The following AKNA variants were observed in gnomAD, a reference collection of about 807,000 sequenced individuals.
The protein encoded by AKNA is AT-hook transcription factor.
A neutral mutation model predicts 138.8 loss-of-function variants in AKNA; 67 were observed. That is an observed-to-expected ratio of 0.48 (90% CI 0.40 to 0.59). The LOEUF (loss-of-function observed/expected upper bound fraction) is 0.59, where lower values mean the gene tolerates loss of function less well. Among genes scored for constraint, AKNA ranks in the 20% least tolerant of loss-of-function variants. The probability of loss-of-function intolerance (pLI) is 0.00; values close to 1 mark genes in which losing one functional copy is unlikely to be tolerated. For missense variants in AKNA, 1,813 were observed against 1,880.4 expected (o/e 0.96, Z 0.66); for synonymous variants, 737 against 754.4 (o/e 0.98, Z 0.38).
At position 114,381,111 on chromosome 9, in the gene AKNA, G is replaced by T. The variant is rs1340366077; in HGVS notation, c.223C>A (p.Pro75Thr). The T allele has an allele frequency of 1.2e-6, 2 of 1,610,592 alleles. No homozygotes were observed. Among genetic ancestry groups the T allele is most frequent in the East Asian group, 2.2e-5 (1 of 44,864 alleles). Residue 75 changes from proline (P) to threonine (T), a missense_variant, in exon 2 of 22, where the codon CCG becomes ACG. Coordinates refer to ENST00000374088, the MANE Select transcript of AKNA (RefSeq NM_001317950.2). The part of the protein sequence containing the change: ...HLPPLEWDPH[P>T]QPDGHQDSES... ...GAATCCTGATGCCCATCGGGCTGCG[G>T]GTGTGGGTCCCACTCCAGGGGCGGC...
At chr9:114,346,193 G>A (rs944806560) in intron 17 of AKNA, among the ~76,000 whole-genome samples, 184 bp from the exon 18 acceptor site, 2 of 152,134 alleles carry the variant, frequency 1.3e-5, no homozygotes, top group African/African-American at 2.4e-5. Flanking sequence ...TAGTCTAGAC[G>A]CTCTGTGTGT....
chr9:114,366,906 G>A (rs929389768), intron 6 of AKNA, among the ~76,000 whole-genome samples: 1 of 152,150 alleles, frequency 6.6e-6, no homozygotes, highest in African/African-American at 2.4e-5. Context: ...GGGTCCAACA[G>A]AACATTTTAT....
upstream of AKNA, among the ~76,000 whole-genome samples, chr9:114,388,355 T>C (rs1422353775): frequency 6.6e-6 from 1 of 152,208 alleles, no homozygotes; most frequent in Non-Finnish European, 1.5e-5. Context: ...AACCACGGCC[T>C]GACCTTAGCC....
chr9:114,332,516 T>A (rs747536724), downstream of AKNA, among the ~76,000 whole-genome samples: 1 of 152,126 alleles, frequency 6.6e-6, no homozygotes, highest in Admixed American at 6.5e-5. Flanking sequence ...ATTTTTAAAA[T>A]ATATACATGC....
intron 15 of AKNA, among the ~76,000 whole-genome samples, chr9:114,349,741 C>A (rs568481335): frequency 5.9e-5 from 9 of 152,282 alleles, no homozygotes; most frequent in African/African-American, 2.2e-4. Flanking sequence ...CTCCTCTCTA[C>A]CCCTCTCTTC....
upstream of AKNA, among the ~76,000 whole-genome samples, chr9:114,395,727 A>G (rs1202978318): frequency 8.3e-6 from 1 of 119,802 alleles, no homozygotes; most frequent in Non-Finnish European, 1.7e-5. Flanking sequence ...CTTCACCTGC[A>G]GCTGTCTTTA....
At position 114,341,526 on chromosome 9, in the gene AKNA, C is replaced by T. The variant is rs746483907; in HGVS notation, c.4067+7G>A. On this transcript the variant is annotated splice_region_variant and intron_variant, in intron 21 of 21. Coordinates refer to ENST00000374088, the MANE Select transcript of AKNA (RefSeq NM_001317950.2). ...GAGGCTGGGAAGGTCAGAATGAAGG[C>T]TCTTACACAGCGGCAGGTGGATAAG... 2 of 1,614,070 alleles carry T rather than the reference C, an allele frequency of 1.2e-6. No homozygotes were observed. Among genetic ancestry groups the T allele is most frequent in the Non-Finnish European group, 8.5e-7 (1 of 1,180,018 alleles).
chr9:114,397,469 A>T (rs893992293), upstream of AKNA, among the ~76,000 whole-genome samples: 2 of 152,200 alleles, frequency 1.3e-5, no homozygotes, highest in Non-Finnish European at 2.9e-5. Flanking sequence ...AGCCTGTCTC[A>T]GCTTCTCTCT....
In AKNA at chr9:114,367,931, G is replaced by A. The variant is rs561953600; in HGVS notation, c.1574-234C>T. On this transcript the variant is annotated intron_variant, in intron 5 of 21. Coordinates refer to ENST00000374088, the MANE Select transcript of AKNA (RefSeq NM_001317950.2). ...ACATGGTTGGCTGGAGCAGAGCTAC[G>A]CTAGGCCTCTGGGTTCCCAGTCAAC... 6.6e-5 allele frequency among the ~76,000 whole-genome samples: 10 copies of A among 152,376 alleles called. No homozygotes were observed. In the South Asian group the frequency reaches 1.4e-3, roughly 22 times the overall value.
At chr9:114,391,965 T>C (rs750167187), upstream of AKNA, among the ~76,000 whole-genome samples, 1 of 147,168 alleles carries the variant, frequency 6.8e-6, no homozygotes, top group Non-Finnish European at 1.5e-5. Flanking sequence ...GTCATGTGCA[T>C]GGCTGTGTCT....
Position 114,357,981 on chromosome 9 carries a change from G to A in AKNA, c.2679C>T (p.Ser893=), listed in dbSNP as rs201136999. 207 of 1,602,810 alleles carry A rather than the reference G, an allele frequency of 1.3e-4. No individual in the cohort carries two copies. The highest frequency in any genetic ancestry group is 1.4e-4 in the Non-Finnish European group (169 of 1,174,930). Residue 893 remains serine, a synonymous_variant, in exon 12 of 22, where the codon AGC becomes AGT. Coordinates refer to ENST00000374088, the MANE Select transcript of AKNA (RefSeq NM_001317950.2). Reference sequence around the variant, plus strand: ...TCTGTGGAAGGCGCTCAGAGATGCCGCTTCCCTCCAGGCTGGTCATACTAC... The same window carrying A: ...TCTGTGGAAGGCGCTCAGAGATGCCACTTCCCTCCAGGCTGGTCATACTAC... ...HQSSMTSLEG[S]GISERLPQKP...
At position 114,337,282 on chromosome 9, in the gene AKNA, G is replaced by A; in HGVS notation, c.4092C>T (p.Thr1364=). ...AAVYYAPAGP[T]SAQPAAKWPP... is the part of the protein sequence containing the mutation. ...GCCACTTGGCAGCTGGTTGGGCTGAGGTAGGTCCTGCAGGCGCATAGTACC... is the reference window on the plus strand; with the variant it reads ...GCCACTTGGCAGCTGGTTGGGCTGAAGTAGGTCCTGCAGGCGCATAGTACC... The change falls in exon 22 of 22, where the codon ACC becomes ACT. Residue 1364 remains threonine, a synonymous_variant. Transcript: ENST00000374088. 1.3e-6 allele frequency: 2 copies of A among 1,527,242 alleles called. No homozygotes were observed. The highest frequency in any genetic ancestry group is 1.8e-6 in the Non-Finnish European group (2 of 1,128,218). The allele number at this position is 1,527,242 out of a possible 1,614,324, so 94.6% of individuals were successfully genotyped here.
At position 114,376,884 on chromosome 9, in the gene AKNA, G is replaced by A. The variant is rs758582964; in HGVS notation, c.923C>T (p.Pro308Leu). The change falls in exon 3 of 22, where the codon CCT becomes CTT. Residue 308 changes from proline (P) to leucine (L), a missense_variant. Coordinates refer to ENST00000374088, the MANE Select transcript of AKNA (RefSeq NM_001317950.2). ...GCTGATGGAGCCAATGAATCGGGAA[G>A]GGAGTGGCTTAGGTGACGTCTTTGT... The part of the protein sequence containing the change: ...KQTKTSPKPL[P>L]SRFIGSISPL... 78 of 1,614,100 alleles carry A rather than the reference G, an allele frequency of 4.8e-5. No homozygotes were observed. Among genetic ancestry groups the A allele is most frequent in the Non-Finnish European group, 4.2e-5 (49 of 1,180,042 alleles).
chr9:114,368,847 C>G (rs1431044438), intron 4 of AKNA, among the ~76,000 whole-genome samples: 1 of 152,172 alleles, frequency 6.6e-6, no homozygotes, highest in Non-Finnish European at 1.5e-5. Flanking sequence ...AACTGAGACA[C>G]AGAGAGGTTA....
rs148007306 is a variant in AKNA, at chr9:114,344,577, T to C, written c.3662-774A>G. Reference sequence around the variant, plus strand: ...TATGTGGAGCTGAACGTAATTGCTCTTATTTTCCCGACGCGACAGATGAGG... The same window carrying C: ...TATGTGGAGCTGAACGTAATTGCTCCTATTTTCCCGACGCGACAGATGAGG... On this transcript the variant is annotated intron_variant, in intron 18 of 21. Transcript: ENST00000374088. 72 of 152,380 alleles carry C rather than the reference T, an allele frequency of 4.7e-4. 1 individual carries two copies. The highest frequency in any genetic ancestry group is 1.5e-3 in the African/African-American group (64 of 41,550). The allele number at this position is 152,380 out of a possible 1,614,324, so 9.4% of individuals were successfully genotyped here. A position where few individuals can be genotyped will look rare whatever the true frequency, so the allele number is the denominator to read the frequency against.
chr9:114,371,283 T>G (rs1832752495), intron 4 of AKNA, among the ~76,000 whole-genome samples: 1 of 152,244 alleles, frequency 6.6e-6, no homozygotes. Flanking sequence ...AGAGCTAGGC[T>G]GCCGAGTTCC....
chr9:114,350,854 C>T lies in AKNA; in HGVS notation c.3221+5G>A. 6.5e-7 allele frequency: 1 copy of T among 1,544,374 alleles called. No homozygotes were observed. Among genetic ancestry groups the T allele is most frequent in the South Asian group, 1.2e-5 (1 of 80,210 alleles). On this transcript the variant is annotated splice_donor_5th_base_variant and intron_variant, in intron 15 of 21. Coordinates refer to ENST00000374088, the MANE Select transcript of AKNA (RefSeq NM_001317950.2). ...GAATCCCCAGGATCCAAGTGTCTAA[C>T]TTACTCTCGCCCTGCCCTGGTGAGC...
intron 9 of AKNA, among the ~76,000 whole-genome samples, chr9:114,361,451 T>G (rs1479933504): frequency 6.6e-6 from 1 of 152,016 alleles, no homozygotes. Context: ...ACTAAATCAC[T>G]GTAACCAGTT....
downstream of AKNA, among the ~76,000 whole-genome samples, chr9:114,333,973 CA>C (rs1829908066): frequency 7.6e-6 from 1 of 131,226 alleles, no homozygotes; most frequent in South Asian, 2.5e-4. Context: ...TGCTGTTTCT[CA>C]CAAGGTCTCA....
Sources: gnomAD v4.1 joint callset for allele counts (sites outside exome capture counted in the v4.1 genomes callset) on GRCh38, gnomAD v4.1.1 for gene constraint, MANE v1.5 for transcripts, NCBI Gene and HGNC (gene_info 2026-07-23, HGNC 2026-07-21) for gene names.